The following ZNF423 variants were observed in gnomAD, a reference collection of about 807,000 sequenced individuals.
ZNF423 encodes Ebf-associated zinc finger protein.
Under a neutral mutation model 95.8 loss-of-function variants are expected in ZNF423, and 12 were observed. That is an observed-to-expected ratio of 0.13 (90% CI 0.08 to 0.20). The LOEUF (loss-of-function observed/expected upper bound fraction) is 0.20. Ranked by LOEUF, ZNF423 falls within the 10% of genes least tolerant of loss-of-function variation. The pLI is 1.00. For synonymous variants in ZNF423, 749 were observed against 711.9 expected, an observed-to-expected ratio of 1.05 and a Z score of -0.83; for missense variants, 1,316 against 1,737.1, an observed-to-expected ratio of 0.76 and a Z score of 4.31.
intron 5 of ZNF423, among the ~76,000 whole-genome samples, chr16:49,588,373 C>T (rs12448731): frequency 0.15 from 22,346 of 152,188 alleles, 1,668 homozygotes; most frequent in Admixed American, 0.16. Context: ...ACCTTACATA[C>T]GCTGAGGCTA....
chr16:49,524,039 A>G (rs1041275736), intron 6 of ZNF423, among the ~76,000 whole-genome samples: 3 of 152,184 alleles, frequency 2.0e-5, no homozygotes, highest in African/African-American at 4.8e-5. Context: ...GGAGGATCAA[A>G]TGGGATATTG....
At chr16:49,511,544 G>A (rs1224460649) in intron 7 of ZNF423, among the ~76,000 whole-genome samples, 2 of 152,216 alleles carry the variant, frequency 1.3e-5, no homozygotes, top group Non-Finnish European at 2.9e-5. Flanking sequence ...CACATGAAGG[G>A]CTTACAGTCA....
At chr16:49,672,863 C>T (rs1276464238) in intron 3 of ZNF423, among the ~76,000 whole-genome samples, 3 of 151,990 alleles carry the variant, frequency 2.0e-5, no homozygotes, top group Non-Finnish European at 2.9e-5. Context: ...AAAATAAAAG[C>T]CTCCGAAAAA....
At chr16:49,792,287 A>T (rs1039324097) in intron 1 of ZNF423, among the ~76,000 whole-genome samples, 1 of 152,172 alleles carries the variant, frequency 6.6e-6, no homozygotes, top group East Asian at 1.9e-4. Context: ...GAACTTGAGG[A>T]TGCCCCAAAG....
Position 49,560,518 on chromosome 16 carries a change from T to A in ZNF423, c.3602-35024A>T, listed in dbSNP as rs866667328. Among the ~76,000 whole-genome samples, 116 of 152,106 alleles carry A rather than the reference T, an allele frequency of 7.6e-4. 1 individual carries two copies. The highest frequency in any genetic ancestry group is 2.5e-3 in the African/African-American group (103 of 41,408). On this transcript the variant is annotated intron_variant, in intron 5 of 7. Coordinates refer to ENST00000563137, the MANE Select transcript of ZNF423 (RefSeq NM_001379286.1). ...CTTCCCTCTCGCAGCATGATGAAGG[T>A]TTCCCCGCAAAATCAAAAGGCTTAC...
intron 2 of ZNF423, among the ~76,000 whole-genome samples, chr16:49,788,955 G>A (rs560540837): frequency 3.9e-5 from 6 of 152,184 alleles, no homozygotes; most frequent in Non-Finnish European, 7.3e-5. Flanking sequence ...AGAAACAGAG[G>A]TACAGGAAAG....
intron 5 of ZNF423, among the ~76,000 whole-genome samples, chr16:49,618,904 C>T (rs1312274035): frequency 1.3e-5 from 2 of 152,162 alleles, no homozygotes; most frequent in Non-Finnish European, 1.5e-5. Context: ...AGCCCATATC[C>T]TCCTATCCAA....
rs371950032 is a variant in ZNF423, at chr16:49,514,491, A to G, written c.3849+9133T>C. Among the ~76,000 whole-genome samples, 38 of 152,256 alleles carry G rather than the reference A, an allele frequency of 2.5e-4. 3 individuals are homozygous for G. The highest frequency in any genetic ancestry group is 1.6e-3 in the Admixed American group (24 of 15,308). On this transcript the variant is annotated intron_variant, in intron 7 of 7. Transcript: ENST00000563137. Reference sequence around the variant, plus strand: ...GCAAGGGCTGAATCAAATGTTCTCAAGGGCTAGGAAGGAAGGGTCCCAAGG... The same window carrying G: ...GCAAGGGCTGAATCAAATGTTCTCAGGGGCTAGGAAGGAAGGGTCCCAAGG...
At chr16:49,797,392 G>C (rs1489215267) in intron 1 of ZNF423, among the ~76,000 whole-genome samples, 1 of 152,180 alleles carries the variant, frequency 6.6e-6, no homozygotes, top group Non-Finnish European at 1.5e-5. Context: ...AGAGAAAGGG[G>C]TGCCCATTCC....
At chr16:49,747,878 T>G (rs6500251) in intron 2 of ZNF423, among the ~76,000 whole-genome samples, 89,406 of 152,208 alleles carry the variant, frequency 0.59, 27,225 homozygotes, top group African/African-American at 0.76. Context: ...ACCAGGGCTA[T>G]TGCCCCAGCC....
chr16:49,663,915 A>G (rs1258747581), intron 3 of ZNF423, among the ~76,000 whole-genome samples: 2 of 152,176 alleles, frequency 1.3e-5, no homozygotes, highest in Non-Finnish European at 2.9e-5. Flanking sequence ...CATTCCAGAA[A>G]AAAACGTTTC....
chr16:49,491,405 T>A, intron 7 of ZNF423, 101 bp from the exon 8 acceptor site: 1 of 1,448,608 alleles, frequency 6.9e-7, no homozygotes, highest in South Asian at 1.1e-5. Context: ...CAGAAAAGCG[T>A]CTCGATTATA....
chr16:49,798,920 C>T (rs995962815), intron 1 of ZNF423, among the ~76,000 whole-genome samples: 1 of 152,288 alleles, frequency 6.6e-6, no homozygotes, highest in African/African-American at 2.4e-5. Context: ...CAGAAAGACA[C>T]CAGGGAATAA....
chr16:49,645,686 C>T (rs947263372), intron 3 of ZNF423, among the ~76,000 whole-genome samples: 3 of 152,216 alleles, frequency 2.0e-5, no homozygotes, highest in African/African-American at 4.8e-5. Context: ...GCTGTGTCCT[C>T]ACCCAAATCT....
At chr16:49,773,070 G>A (rs1411989554) in intron 2 of ZNF423, among the ~76,000 whole-genome samples, 1 of 152,184 alleles carries the variant, frequency 6.6e-6, no homozygotes, top group Admixed American at 6.5e-5. Flanking sequence ...TATAATCCCA[G>A]CACTTTGGGA....
intron 1 of ZNF423, among the ~76,000 whole-genome samples, chr16:49,799,934 C>T (rs2034556339): frequency 6.6e-6 from 1 of 152,158 alleles, no homozygotes; most frequent in African/African-American, 2.4e-5. Flanking sequence ...GGACCACAAG[C>T]ACGCACCATT....
intron 3 of ZNF423, among the ~76,000 whole-genome samples, chr16:49,710,187 C>A (rs2143117327): frequency 6.6e-6 from 1 of 152,248 alleles, no homozygotes; most frequent in African/African-American, 2.4e-5. Flanking sequence ...ACAATAATGA[C>A]AATAATCTAT....
chr16:49,643,667 T>C lies in ZNF423; in HGVS notation c.302-4793A>G, dbSNP rs556822197. 4.1e-5 allele frequency among the ~76,000 whole-genome samples: 6 copies of C among 147,414 alleles called. No individual in the cohort carries two copies. In the South Asian group the frequency reaches 1.3e-3, roughly 32 times the overall value. On this transcript the variant is annotated intron_variant, in intron 3 of 7. Transcript: ENST00000563137. ...CAGAGTAAATGCAATCAAAGAACTATAACAAAAATGAGTTAAAAAAACACA... is the reference window on the plus strand; with the variant it reads ...CAGAGTAAATGCAATCAAAGAACTACAACAAAAATGAGTTAAAAAAACACA...
At chr16:49,514,672 AG>A (rs1397937626) in intron 7 of ZNF423, among the ~76,000 whole-genome samples, 2 of 152,204 alleles carry the variant, frequency 1.3e-5, no homozygotes, top group Non-Finnish European at 2.9e-5. Context: ...TTTAGCTGGA[AG>A]CAGCATGATT....
Sources: allele counts gnomAD v4.1 joint callset (sites outside exome capture counted in the v4.1 genomes callset), GRCh38; gene constraint gnomAD v4.1.1; transcripts MANE v1.5; gene names NCBI Gene and HGNC (gene_info 2026-07-23, HGNC 2026-07-21).